Variants in CHD1L observed in about 807,000 individuals in gnomAD.
CHD1L encodes the protein chromodomain helicase DNA binding protein 1 like, also known as ATP-dependent chromatin remodeler CHD1L.
Under a neutral mutation model 115.9 loss-of-function variants are expected in CHD1L, and 118 were observed. That is an observed-to-expected ratio of 1.02 (90% CI 0.88 to 1.19). The LOEUF is 1.19. CHD1L is among the 50% of genes most tolerant of loss of function. The pLI is 0.00. For missense variants in CHD1L, 1,179 were observed against 1,065.3 expected (o/e 1.11, Z -1.49); for synonymous variants, 411 against 387.1 (o/e 1.06, Z -0.72).
chr1:147,241,036 C>T (rs1344765485), upstream of CHD1L, among the ~76,000 whole-genome samples: 3 of 152,048 alleles, frequency 2.0e-5, no homozygotes, highest in East Asian at 5.8e-4. Context: ...CGAGAAATAC[C>T]CACAAGTGTG....
the CHD1L span, chr1:147,174,658 T>C: frequency 6.6e-6 from 1 of 152,188 alleles, no homozygotes; most frequent in African/African-American, 2.4e-5. Context: ...ACAAATGTAA[T>C]GTGACACTGT....
At chr1:147,269,463 G>A (rs1268824317) in intron 10 of CHD1L, among the ~76,000 whole-genome samples, 1 of 152,044 alleles carries the variant, frequency 6.6e-6, no homozygotes, top group Non-Finnish European at 1.5e-5. Flanking sequence ...GAGGTCAAGA[G>A]ATCGAGACCA....
chr1:147,174,036 A>G, the CHD1L span, among the ~76,000 whole-genome samples: 1 of 152,182 alleles, frequency 6.6e-6, no homozygotes, highest in Non-Finnish European at 1.5e-5. Flanking sequence ...GAGCAGCTCT[A>G]TTTGCTGAAA....
chr1:147,272,130 G>A (rs782692867), intron 11 of CHD1L, 41 bp from the exon 12 acceptor site: 1 of 1,547,532 alleles, frequency 6.5e-7, no homozygotes, highest in Admixed American at 1.8e-5. Context: ...AAGACTACTT[G>A]AAAAGGGTTA....
intron 10 of CHD1L, among the ~76,000 whole-genome samples, chr1:147,269,825 A>G (rs2102638523): frequency 6.6e-6 from 1 of 152,322 alleles, no homozygotes; most frequent in Non-Finnish European, 1.5e-5. Flanking sequence ...CTTTGGAATG[A>G]CTGTCTTAGG....
the CHD1L span, among the ~76,000 whole-genome samples, chr1:147,206,185 A>G: frequency 2.7e-5 from 4 of 150,616 alleles, 1 homozygote; most frequent in Non-Finnish European, 5.9e-5. Context: ...ATCACTGGCC[A>G]TCAGAGAAAT....
chr1:147,266,118 C>G lies in CHD1L; in HGVS notation c.895+31C>G, dbSNP rs199517003. 3.3e-4 allele frequency: 514 copies of G among 1,580,220 alleles called. 2 individuals are homozygous for G. The highest frequency in any genetic ancestry group is 4.2e-4 in the Non-Finnish European group (489 of 1,162,966). On this transcript the variant is annotated intron_variant, in intron 8 of 22. Coordinates refer to ENST00000369258, the MANE Select transcript of CHD1L (RefSeq NM_004284.6). ...CAGAGGGCACTTGTCCATTTAGAAACTAAATGAGGATGTGATTTCAGGTAG... is the reference window on the plus strand; with the variant it reads ...CAGAGGGCACTTGTCCATTTAGAAAGTAAATGAGGATGTGATTTCAGGTAG...
intron 11 of CHD1L, among the ~76,000 whole-genome samples, chr1:147,271,501 T>C (rs1676211498): frequency 6.6e-6 from 1 of 152,208 alleles, no homozygotes; most frequent in African/African-American, 2.4e-5. Flanking sequence ...TAATAAGATT[T>C]GTGTGAGATG....
intron 15 of CHD1L, among the ~76,000 whole-genome samples, chr1:147,283,043 C>T (rs1681540371): frequency 1.3e-5 from 2 of 152,010 alleles, no homozygotes; most frequent in African/African-American, 2.4e-5. Flanking sequence ...CTAACGTGGC[C>T]CCAATCAGAA....
chr1:147,224,848 G>T, the CHD1L span: 5 of 1,580,810 alleles, frequency 3.2e-6, no homozygotes, highest in Non-Finnish European at 3.5e-6. Flanking sequence ...TATGCACCTA[G>T]TTGCAGGGAG....
At chr1:147,272,078 C>A in intron 11 of CHD1L, 93 bp from the exon 12 acceptor site, 1 of 992,082 alleles carries the variant, frequency 1.0e-6, no homozygotes, top group Non-Finnish European at 1.5e-6. Flanking sequence ...TGGAAAGGGA[C>A]AAAATTGGCC....
At chr1:147,273,288 G>C (rs1485445681) in intron 12 of CHD1L, among the ~76,000 whole-genome samples, 1 of 152,058 alleles carries the variant, frequency 6.6e-6, no homozygotes, top group African/African-American at 2.4e-5. Flanking sequence ...GTACATGCAG[G>C]AACATGAAAG....
intron 20 of CHD1L, among the ~76,000 whole-genome samples, chr1:147,293,099 G>A (rs1372289447): frequency 2.0e-5 from 3 of 152,174 alleles, no homozygotes; most frequent in Non-Finnish European, 4.4e-5. Context: ...CTGTGGTGAT[G>A]TCATCCCGGA....
chr1:147,282,269 A>G (rs1303781983), intron 15 of CHD1L, among the ~76,000 whole-genome samples: 3 of 152,164 alleles, frequency 2.0e-5, no homozygotes, highest in East Asian at 3.9e-4. Context: ...CCAGAGACCA[A>G]TCTTCTAGTA....
chr1:147,204,348 G>T, the CHD1L span: 2 of 997,774 alleles, frequency 2.0e-6, no homozygotes, highest in Non-Finnish European at 3.2e-6. Context: ...CTTTGAAATG[G>T]CCAGAATCAG....
At chr1:147,216,340 C>T in the CHD1L span, among the ~76,000 whole-genome samples, 1 of 152,080 alleles carries the variant, frequency 6.6e-6, no homozygotes, top group African/African-American at 2.4e-5. Flanking sequence ...TGGCCAGTCC[C>T]CAAAAATTCT....
intron 20 of CHD1L, 128 bp from the exon 21 acceptor site, chr1:147,293,480 T>C (rs1444710893): frequency 1.1e-5 from 8 of 700,254 alleles, no homozygotes; most frequent in Non-Finnish European, 2.0e-5. Flanking sequence ...TGTTCAGGCA[T>C]AGCATCCGAA....
chr1:147,206,559 T>C, the CHD1L span, among the ~76,000 whole-genome samples: 12 of 152,144 alleles, frequency 7.9e-5, no homozygotes, highest in Admixed American at 7.9e-4. Context: ...GTGGCACATA[T>C]ACACCATGGA....
the CHD1L span, among the ~76,000 whole-genome samples, chr1:147,191,158 C>G: frequency 4.6e-5 from 7 of 152,114 alleles, no homozygotes; most frequent in African/African-American, 1.4e-4. Flanking sequence ...GTGCATGTGT[C>G]TTTATAGCAG....
Sources: gnomAD v4.1 joint callset for allele counts (sites outside exome capture counted in the v4.1 genomes callset) on GRCh38, gnomAD v4.1.1 for gene constraint, MANE v1.5 for transcripts, NCBI Gene and HGNC (gene_info 2026-07-23, HGNC 2026-07-21) for gene names.